PPP1R13L: variants seen among roughly 807,000 people sequenced by gnomAD.
PPP1R13L encodes relA-associated inhibitor.
In PPP1R13L, 50 loss-of-function variants were observed where a neutral mutation model predicts 80.9. The observed-to-expected ratio is 0.62, with a 90% CI of 0.49 to 0.78. PPP1R13L has a LOEUF of 0.78. PPP1R13L is among the 30% of genes least tolerant of loss of function. The pLI, the probability that PPP1R13L is intolerant of heterozygous loss-of-function variation, is 0.00. For synonymous variants in PPP1R13L, 602 were observed against 534.3 expected, an observed-to-expected ratio of 1.13 and a Z score of -1.75; for missense variants, 1,200 against 1,205.9, an observed-to-expected ratio of 1.00 and a Z score of 0.07.
chr19:45,383,292 C>CTTTTT (rs1568553288), intron 11 of PPP1R13L, among the ~76,000 whole-genome samples: 1 of 114,308 alleles, frequency 8.7e-6, no homozygotes, highest in African/African-American at 4.1e-5. Flanking sequence ...CCGCGCCCGG[C>CTTTTT]CTTTTTTTTT....
chr19:45,386,210 T>C, intron 8 of PPP1R13L, 30 bp from the exon 9 acceptor site: 1 of 1,479,494 alleles, frequency 6.8e-7, no homozygotes, highest in East Asian at 2.4e-5. Context: ...GGTCAGCGAC[T>C]TGGAGGGATT....
intron 8 of PPP1R13L, among the ~76,000 whole-genome samples, chr19:45,386,988 G>A (rs1972883417): frequency 6.6e-6 from 1 of 151,494 alleles, no homozygotes; most frequent in African/African-American, 2.4e-5. Flanking sequence ...TTTATTCTGG[G>A]CTGGGCGAGG....
chr19:45,402,833 C>G (rs1973260441), intron 1 of PPP1R13L, among the ~76,000 whole-genome samples: 1 of 152,212 alleles, frequency 6.6e-6, no homozygotes. Flanking sequence ...CCTCTGCACC[C>G]CAGCCAGGTT....
At chr19:45,380,376 C>T in intron 12 of PPP1R13L, 148 bp from the exon 13 acceptor site, 1 of 800,096 alleles carries the variant, frequency 1.2e-6, no homozygotes. Flanking sequence ...TTCTGTGTCA[C>T]CTCCAAGAAC....
intron 11 of PPP1R13L, among the ~76,000 whole-genome samples, chr19:45,385,275 T>C (rs1972842485): frequency 6.6e-6 from 1 of 152,118 alleles, no homozygotes; most frequent in Non-Finnish European, 1.5e-5. Flanking sequence ...AACGTTCAGC[T>C]CCTCACCCTT....
upstream of PPP1R13L, among the ~76,000 whole-genome samples, chr19:45,405,299 A>G (rs1169262813): frequency 1.3e-5 from 2 of 152,114 alleles, no homozygotes; most frequent in Non-Finnish European, 2.9e-5. Context: ...GATACAGAAG[A>G]GCCGAGACGC....
chr19:45,386,666 T>C (rs976673107), intron 8 of PPP1R13L, among the ~76,000 whole-genome samples: 5 of 149,448 alleles, frequency 3.3e-5, no homozygotes, highest in African/African-American at 4.9e-5. Flanking sequence ...AGTCTCGCTC[T>C]GTCACCCAGG....
chr19:45,403,284 G>A (rs1018022347), intron 1 of PPP1R13L, among the ~76,000 whole-genome samples: 2 of 152,062 alleles, frequency 1.3e-5, no homozygotes, highest in East Asian at 1.9e-4. Context: ...CAGAGTGAGG[G>A]GTCCAGACTC....
At chr19:45,395,927 G>C (rs1338518502) in intron 6 of PPP1R13L, 41 bp from the exon 7 acceptor site, 6 of 1,498,786 alleles carry the variant, frequency 4.0e-6, no homozygotes, top group East Asian at 4.8e-5. Flanking sequence ...GGTGAGAGAG[G>C]GAAGGTGGAG....
At chr19:45,399,513 AC>A (rs1973189789) in intron 1 of PPP1R13L, among the ~76,000 whole-genome samples, 1 of 151,070 alleles carries the variant, frequency 6.6e-6, no homozygotes, top group Non-Finnish European at 1.5e-5. Context: ...AGTCCCAGCT[AC>A]TCGGGAGGCT....
At chr19:45,393,236 C>T (rs1462327256) in intron 7 of PPP1R13L, 2 of 150,998 alleles carry the variant, frequency 1.3e-5, no homozygotes, top group Non-Finnish European at 1.5e-5. Context: ...CACACACACA[C>T]ATTATATATA....
chr19:45,385,466 C>T, intron 11 of PPP1R13L, 96 bp downstream of exon 11: 2 of 1,355,814 alleles, frequency 1.5e-6, no homozygotes, highest in Non-Finnish European at 2.0e-6. Context: ...TTGGTACAGC[C>T]CCCATACCCT....
chr19:45,403,647 G>A (rs1436242527), intron 1 of PPP1R13L, among the ~76,000 whole-genome samples: 1 of 152,192 alleles, frequency 6.6e-6, no homozygotes, highest in Non-Finnish European at 1.5e-5. Flanking sequence ...TAGACAATGC[G>A]AGCTTTCCTA....
upstream of PPP1R13L, among the ~76,000 whole-genome samples, chr19:45,405,378 T>C (rs1973315606): frequency 6.6e-6 from 1 of 152,110 alleles, no homozygotes; most frequent in South Asian, 2.1e-4. Flanking sequence ...CTATCCCCTT[T>C]CCTGATCAGT....
intron 8 of PPP1R13L, among the ~76,000 whole-genome samples, chr19:45,388,235 T>C (rs549587251): frequency 1.4e-3 from 215 of 151,466 alleles, no homozygotes; most frequent in African/African-American, 5.0e-3. Context: ...TCCCTGTGAG[T>C]GGTGTGATTT....
rs974383545 is a variant in PPP1R13L at position 45,382,470 on chromosome 19, C to T, written c.2448+57G>A. 9.5e-6 allele frequency: 15 copies of T among 1,572,306 alleles called. No individual in the cohort carries two copies. In the Admixed American group the frequency reaches 1.4e-4, roughly 14 times the overall value. ...CCTCTTCTTTTTCCTGTGGGATCCC[C>T]CTTTTCCCCAACCCCCAACTGTCGG... On this transcript the variant is annotated intron_variant, in intron 12 of 12. Coordinates refer to ENST00000360957, the MANE Select transcript of PPP1R13L (RefSeq NM_006663.4).
intron 8 of PPP1R13L, 53 bp downstream of exon 8, chr19:45,391,827 A>G: frequency 7.4e-7 from 1 of 1,355,790 alleles, no homozygotes; most frequent in East Asian, 2.5e-5. Flanking sequence ...TCTTTGCTAC[A>G]GCTCCTGGAT....
chr19:45,389,286 G>A (rs34063158), intron 8 of PPP1R13L, among the ~76,000 whole-genome samples: 21 of 152,238 alleles, frequency 1.4e-4, no homozygotes, highest in African/African-American at 5.1e-4. Flanking sequence ...GAGGGCCTAG[G>A]AATAGGCATT....
intron 1 of PPP1R13L, among the ~76,000 whole-genome samples, chr19:45,400,314 G>A (rs1250970541): frequency 6.6e-6 from 1 of 151,900 alleles, no homozygotes; most frequent in Non-Finnish European, 1.5e-5. Context: ...GAGGGAGCTA[G>A]GCCACTAGGA....
Sources: allele counts gnomAD v4.1 joint callset (sites outside exome capture counted in the v4.1 genomes callset), GRCh38; gene constraint gnomAD v4.1.1; transcripts MANE v1.5; gene names NCBI Gene and HGNC (gene_info 2026-07-23, HGNC 2026-07-21).